Variants in MED12L observed in about 807,000 individuals in gnomAD.
MED12L encodes mediator complex subunit 12L.
A neutral mutation model predicts 281.3 loss-of-function variants in MED12L; 60 were observed. That is an observed-to-expected ratio of 0.21 (90% confidence interval 0.17 to 0.26). MED12L has a LOEUF of 0.26. Among genes scored for constraint, MED12L ranks in the 10% least tolerant of loss-of-function variants. The pLI, the probability that MED12L is intolerant of heterozygous loss-of-function variation, is 1.00. For missense variants in MED12L, 2,146 were observed against 2,680.9 expected (o/e 0.80, Z 4.41); for synonymous variants, 974 against 987.2 (o/e 0.99, Z 0.25).
chr3:151,158,874 G>T (rs1348300109), intron 7 of MED12L, 75 bp downstream of exon 7: 5 of 984,748 alleles, frequency 5.1e-6, no homozygotes, highest in Non-Finnish European at 7.9e-6. Flanking sequence ...TTAGGTAAGT[G>T]GAAGAGGAAA....
intron 16 of MED12L, among the ~76,000 whole-genome samples, chr3:151,231,954 C>CT (rs1377558292): frequency 2.0e-4 from 30 of 152,112 alleles, no homozygotes; most frequent in South Asian, 1.5e-3. Context: ...TATTCATGGG[C>CT]TTTTTTTGCT....
intron 16 of MED12L, among the ~76,000 whole-genome samples, chr3:151,322,133 A>G (rs1749067617): frequency 6.6e-6 from 1 of 152,176 alleles, no homozygotes; most frequent in South Asian, 2.1e-4. Flanking sequence ...ATTATTCTAC[A>G]TGTTCATAGA....
intron 6 of MED12L, among the ~76,000 whole-genome samples, chr3:151,157,368 C>T (rs769013144): frequency 2.6e-5 from 4 of 151,988 alleles, no homozygotes; most frequent in African/African-American, 7.2e-5. Flanking sequence ...CTAATTCATA[C>T]ACGTGAAGAC....
intron 11 of MED12L, among the ~76,000 whole-genome samples, chr3:151,174,999 TTATATG>T (rs1371190793): frequency 7.2e-5 from 11 of 152,242 alleles, no homozygotes; most frequent in African/African-American, 2.7e-4. Flanking sequence ...TTGGAAATGT[TTATATG>T]TATAAAGATT....
At chr3:151,157,851 A>G (rs1334054172) in intron 6 of MED12L, among the ~76,000 whole-genome samples, 1 of 152,236 alleles carries the variant, frequency 6.6e-6, no homozygotes, top group Non-Finnish European at 1.5e-5. Context: ...GTTTGTTACC[A>G]GAATGACCAT....
chr3:151,117,202 T>C (rs1252868471), intron 3 of MED12L, among the ~76,000 whole-genome samples: 1 of 152,226 alleles, frequency 6.6e-6, no homozygotes, highest in Non-Finnish European at 1.5e-5. Context: ...TTTGTCGTGT[T>C]ATAATCCGTA....
chr3:151,191,318 T>G (rs772573343), intron 14 of MED12L, among the ~76,000 whole-genome samples: 11 of 152,230 alleles, frequency 7.2e-5, no homozygotes, highest in Non-Finnish European at 1.5e-4. Flanking sequence ...TTTTCCCTAA[T>G]GTATCATTCA....
chr3:151,293,675 A>C (rs1161905427), intron 16 of MED12L, among the ~76,000 whole-genome samples: 4 of 120,408 alleles, frequency 3.3e-5, no homozygotes, highest in Admixed American at 8.6e-5. Context: ...ACACACACAC[A>C]CACCCTCTAC....
intron 5 of MED12L, among the ~76,000 whole-genome samples, chr3:151,155,710 A>G (rs1415671318): frequency 6.6e-6 from 1 of 152,342 alleles, no homozygotes; most frequent in East Asian, 1.9e-4. Context: ...ATGGATCCTA[A>G]GAGAGCTGCT....
At chr3:151,240,019 C>T (rs1170629006) in intron 16 of MED12L, among the ~76,000 whole-genome samples, 1 of 138,096 alleles carries the variant, frequency 7.2e-6, no homozygotes, top group African/African-American at 2.8e-5. Context: ...AGGAAGTAAT[C>T]CTGATGTCTT....
At chr3:151,273,309 C>T (rs537570056) in intron 16 of MED12L, among the ~76,000 whole-genome samples, 16 of 147,182 alleles carry the variant, frequency 1.1e-4, no homozygotes, top group Non-Finnish European at 2.4e-4. Context: ...CAGCTCACTG[C>T]AGCCTCTGCC....
chr3:151,134,629 A>C (rs1715875124), intron 5 of MED12L, among the ~76,000 whole-genome samples: 1 of 152,232 alleles, frequency 6.6e-6, no homozygotes, highest in African/African-American at 2.4e-5. Context: ...TTAAGGAATA[A>C]GCCACTGAGG....
At chr3:151,206,324 G>GT (rs1366370554) in intron 16 of MED12L, among the ~76,000 whole-genome samples, 1 of 151,490 alleles carries the variant, frequency 6.6e-6, no homozygotes, top group Non-Finnish European at 1.5e-5. Flanking sequence ...AGGCAAATTT[G>GT]TTTTTTTCAC....
intron 5 of MED12L, among the ~76,000 whole-genome samples, chr3:151,143,373 C>T (rs2148876490): frequency 6.6e-6 from 1 of 152,314 alleles, no homozygotes; most frequent in East Asian, 1.9e-4. Context: ...GTTACTCTAA[C>T]TACAGCTGAT....
intron 16 of MED12L, among the ~76,000 whole-genome samples, chr3:151,202,682 CA>C (rs1330150803): frequency 2.0e-5 from 3 of 152,092 alleles, no homozygotes; most frequent in African/African-American, 7.2e-5. Context: ...CAAAACAAAA[CA>C]AAAACAAAAT....
Position 151,376,648 on chromosome 3 carries a change from T to C in MED12L, c.4054-152T>C, listed in dbSNP as rs1244907922. On this transcript the variant is annotated intron_variant, in intron 28 of 44. Coordinates refer to ENST00000687756, the MANE Select transcript of MED12L (RefSeq NM_001393769.1). ...GGTTTGTATCGCTACTGAATATATATGCAGCAAGATTGGGAACCTTTTGAC... is the reference window on the plus strand; with the variant it reads ...GGTTTGTATCGCTACTGAATATATACGCAGCAAGATTGGGAACCTTTTGAC... The C allele has an allele frequency of 2.4e-5, 16 of 659,182 alleles. No homozygotes were observed. In the Admixed American group the frequency reaches 3.9e-4, roughly 16 times the overall value. The allele number at this position is 659,182 out of a possible 1,614,324, so 40.8% of individuals were successfully genotyped here.
At chr3:151,282,840 A>T (rs1742993367) in intron 16 of MED12L, among the ~76,000 whole-genome samples, 1 of 151,846 alleles carries the variant, frequency 6.6e-6, no homozygotes. Flanking sequence ...GTTTTGAAAA[A>T]ATTGTAATCT....
chr3:151,380,857 A>T (rs374527522), intron 32 of MED12L, among the ~76,000 whole-genome samples: 82 of 152,332 alleles, frequency 5.4e-4, no homozygotes, highest in African/African-American at 1.9e-3. Context: ...TGCAGTAGGC[A>T]TGGCAGTGAG....
At chr3:151,254,950 C>G (rs1186359101) in intron 16 of MED12L, among the ~76,000 whole-genome samples, 1 of 152,204 alleles carries the variant, frequency 6.6e-6, no homozygotes, top group African/African-American at 2.4e-5. Flanking sequence ...AAGTCTGAGT[C>G]AGATTCTGAT....
Sources: allele counts gnomAD v4.1 joint callset (sites outside exome capture counted in the v4.1 genomes callset), GRCh38; gene constraint gnomAD v4.1.1; transcripts MANE v1.5; gene names NCBI Gene and HGNC (gene_info 2026-07-23, HGNC 2026-07-21).